The following ANGPTL7 variants were observed in gnomAD, a reference collection of about 807,000 sequenced individuals.
ANGPTL7 encodes angiopoietin like 7.
In ANGPTL7, 37 loss-of-function variants were observed where a neutral mutation model predicts 38.8. The observed-to-expected ratio is 0.95, with a 90% CI of 0.73 to 1.25. The LOEUF is 1.25. Ranked by LOEUF, ANGPTL7 falls within the 50% of genes most tolerant of loss-of-function variation. The pLI, the probability that ANGPTL7 is intolerant of heterozygous loss-of-function variation, is 0.00. For synonymous variants in ANGPTL7, 166 were observed against 163.2 expected, an observed-to-expected ratio of 1.02 and a Z score of -0.13; for missense variants, 427 against 438.6, an observed-to-expected ratio of 0.97 and a Z score of 0.24.
chr1:11,190,893 G>A (rs563802966), intron 1 of ANGPTL7, among the ~76,000 whole-genome samples: 1 of 152,186 alleles, frequency 6.6e-6, no homozygotes, highest in African/African-American at 2.4e-5. Context: ...GTTAACCTCA[G>A]CTCAAATTAA....
At position 11,195,540 on chromosome 1, in the gene ANGPTL7, C is replaced by A. The variant is rs1412410729; in HGVS notation, c.*517C>A. Reference sequence around the variant, plus strand: ...CCAGTGAAATTATCTTGAGTCTACACATTATTTTTAAAACACAAAAATTGT... The same window carrying A: ...CCAGTGAAATTATCTTGAGTCTACAAATTATTTTTAAAACACAAAAATTGT... On this transcript the variant is annotated 3_prime_UTR_variant, in exon 5 of 5. Coordinates refer to ENST00000376819, the MANE Select transcript of ANGPTL7 (RefSeq NM_021146.4). 1 of 155,026 alleles carries A rather than the reference C, an allele frequency of 6.5e-6. No individual in the cohort carries two copies. The highest frequency in any genetic ancestry group is 2.4e-5 in the African/African-American group (1 of 41,412). 9.6% of individuals were successfully genotyped at this position (155,026 alleles called of 1,614,324 possible).
At chr1:11,193,824 G>C (rs1182050093) in intron 3 of ANGPTL7, 50 bp downstream of exon 3, 3 of 1,580,096 alleles carry the variant, frequency 1.9e-6, no homozygotes, top group Non-Finnish European at 2.6e-6. Context: ...CACCACACAT[G>C]ACCGCGTACA....
In ANGPTL7 at chr1:11,195,265, G is replaced by C. The variant is rs976276081; in HGVS notation, c.*242G>C. On this transcript the variant is annotated 3_prime_UTR_variant, in exon 5 of 5. Coordinates refer to ENST00000376819, the MANE Select transcript of ANGPTL7 (RefSeq NM_021146.4). The stretch of plus-strand genomic sequence containing the variant: ...CACATCCTTCTCAAGGTGGTAGACT[G>C]AGTGGGGTCTCTCTGCCCAAGATCC... The C allele has an allele frequency of 9.1e-6, 4 of 438,434 alleles. No individual in the cohort carries two copies. The highest frequency in any genetic ancestry group is 1.6e-5 in the Non-Finnish European group (4 of 248,098). 27.2% of individuals were successfully genotyped at this position (438,434 alleles called of 1,614,324 possible). A position where few individuals can be genotyped will look rare whatever the true frequency, so the allele number is the denominator to read the frequency against.
intron 3 of ANGPTL7, 113 bp downstream of exon 3, chr1:11,193,887 G>A: frequency 8.9e-7 from 1 of 1,123,690 alleles, no homozygotes; most frequent in Non-Finnish European, 1.3e-6. Context: ...TATATTCATT[G>A]TGATGGTTTT....
chr1:11,194,430 A>G (rs1408643138), intron 3 of ANGPTL7, 31 bp from the exon 4 acceptor site: 3 of 1,609,114 alleles, frequency 1.9e-6, no homozygotes, highest in African/African-American at 2.7e-5. Flanking sequence ...AGCCTGCTGC[A>G]CTTTCTTTAA....
chr1:11,193,347 C>T (rs1645625700), intron 2 of ANGPTL7, among the ~76,000 whole-genome samples: 2 of 151,964 alleles, frequency 1.3e-5, no homozygotes, highest in African/African-American at 4.8e-5. Context: ...TCCCTCCAAG[C>T]TTCATGTGCA....
At chr1:11,194,337 G>A in intron 3 of ANGPTL7, 124 bp from the exon 4 acceptor site, 1 of 900,810 alleles carries the variant, frequency 1.1e-6, no homozygotes, top group Middle Eastern at 3.5e-4. Context: ...AAGTAATAAA[G>A]TCTTATTAGA....
intron 3 of ANGPTL7, among the ~76,000 whole-genome samples, chr1:11,194,122 T>C (rs1351455598): frequency 6.6e-6 from 1 of 152,170 alleles, no homozygotes; most frequent in Non-Finnish European, 1.5e-5. Context: ...GGACCCTTGC[T>C]GAAGGTCTGA....
rs1274156043 is a variant in ANGPTL7 at position 11,195,822 on chromosome 1, T to C, written c.*799T>C. 6.6e-6 allele frequency: 1 copy of C among 152,436 alleles called. No homozygotes were observed. Among genetic ancestry groups the C allele is most frequent in the East Asian group, 1.9e-4 (1 of 5,206 alleles). 9.4% of individuals were successfully genotyped at this position (152,436 alleles called of 1,614,324 possible). On this transcript the variant is annotated 3_prime_UTR_variant, in exon 5 of 5. Coordinates refer to ENST00000376819, the MANE Select transcript of ANGPTL7 (RefSeq NM_021146.4). ...AGCTCAAGGAGCTTCCTTTTAAATT[T>C]TGTCTGTAGGAAATGGTTGAAAACT...
rs1361421933 is a variant in ANGPTL7, at chr1:11,195,230, T to C, written c.*207T>C. The C allele has an allele frequency of 1.7e-6, 1 of 580,588 alleles. No individual in the cohort carries two copies. Among genetic ancestry groups the C allele is most frequent in the Non-Finnish European group, 3.0e-6 (1 of 338,782 alleles). The allele number at this position is 580,588 out of a possible 1,614,324, so 36.0% of individuals were successfully genotyped here. A position where few individuals can be genotyped will look rare whatever the true frequency, so the allele number is the denominator to read the frequency against. On this transcript the variant is annotated 3_prime_UTR_variant, in exon 5 of 5. Coordinates refer to ENST00000376819, the MANE Select transcript of ANGPTL7 (RefSeq NM_021146.4). ...AACAGGATGAACTATTTAAACCCAC[T>C]GGGTCCTGCCACATCCTTCTCAAGG...
At position 11,189,888 on chromosome 1, in the gene ANGPTL7, C is replaced by T. The variant is rs775857380; in HGVS notation, c.309C>T (p.Ser103=). ...SRLTDAESKY[S]EMNNQIDIMQ... is the part of the protein sequence containing the mutation. The stretch of plus-strand genomic sequence containing the variant: ...TCACAGATGCTGAGAGCAAGTACTC[C>T]GAGATGAACAACCAAATTGACATCA... Residue 103 remains serine, a synonymous_variant, in exon 1 of 5, where the codon TCC becomes TCT. Coordinates refer to ENST00000376819, the MANE Select transcript of ANGPTL7 (RefSeq NM_021146.4). The T allele has an allele frequency of 5.6e-5, 91 of 1,614,082 alleles. 1 individual carries two copies. The South Asian group carries it at 6.9e-4, about 12-fold the overall frequency.
chr1:11,194,401 TAG>T, intron 3 of ANGPTL7, 58 bp from the exon 4 acceptor site: 1 of 1,527,686 alleles, frequency 6.5e-7, no homozygotes, highest in Non-Finnish European at 9.1e-7. Flanking sequence ...AGAAGGGGTA[TAG>T]AGACAGCATG....
rs140367029 is a variant in ANGPTL7, at chr1:11,193,066, T to C, written c.478-514T>C. Among the ~76,000 whole-genome samples, 4 of 152,116 alleles carry C rather than the reference T, an allele frequency of 2.6e-5. No individual in the cohort carries two copies. In the East Asian group the frequency reaches 7.8e-4, roughly 29 times the overall value. ...GGTGGCTCACACCTGTAATCCCAAG[T>C]TTTTTGGGAGGTGAGGTGGGCGGAA... On this transcript the variant is annotated intron_variant, in intron 2 of 4. Transcript: ENST00000376819.
rs372995398 is a variant in ANGPTL7, at chr1:11,195,240, C to T, written c.*217C>T. The T allele has an allele frequency of 6.3e-5, 34 of 542,188 alleles. No individual in the cohort carries two copies. Among genetic ancestry groups the T allele is most frequent in the East Asian group, 2.8e-4 (9 of 32,170 alleles). 33.6% of individuals were successfully genotyped at this position (542,188 alleles called of 1,614,324 possible). ...ACTATTTAAACCCACTGGGTCCTGCCACATCCTTCTCAAGGTGGTAGACTG... is the reference window on the plus strand; with the variant it reads ...ACTATTTAAACCCACTGGGTCCTGCTACATCCTTCTCAAGGTGGTAGACTG... On this transcript the variant is annotated 3_prime_UTR_variant, in exon 5 of 5. Transcript: ENST00000376819.
In ANGPTL7 at chr1:11,195,103, G is replaced by T; in HGVS notation, c.*80G>T. The T allele has an allele frequency of 6.9e-7, 1 of 1,448,854 alleles. No homozygotes were observed. Among genetic ancestry groups the T allele is most frequent in the South Asian group, 1.3e-5 (1 of 79,180 alleles). 89.7% of individuals were successfully genotyped at this position (1,448,854 alleles called of 1,614,324 possible). ...GAGGGCAGATGAGGACAGGAAGAGA[G>T]TGTTAGAAAGGGTAGGACTGAGAAA... On this transcript the variant is annotated 3_prime_UTR_variant, in exon 5 of 5. Coordinates refer to ENST00000376819, the MANE Select transcript of ANGPTL7 (RefSeq NM_021146.4).
chr1:11,190,031 C>T lies in ANGPTL7; in HGVS notation c.376+76C>T. 6.6e-6 allele frequency: 10 copies of T among 1,511,566 alleles called. No individual in the cohort carries two copies. The South Asian group carries it at 1.3e-4, about 20-fold the overall frequency. 93.6% of individuals were successfully genotyped at this position (1,511,566 alleles called of 1,614,324 possible). A position where few individuals can be genotyped will look rare whatever the true frequency, so the allele number is the denominator to read the frequency against. On this transcript the variant is annotated intron_variant, in intron 1 of 4. Transcript: ENST00000376819. The stretch of plus-strand genomic sequence containing the variant: ...CACTGCTTCTACATATCCTGGTCAT[C>T]AGAACCACTACTGGGGCCTCTTTTG...
rs1156866701 is a variant in ANGPTL7 at position 11,189,404 on chromosome 1, A to G, written c.-176A>G. ...TACCCATTCAGCTCCCCTGTCAGAGACTCAAGCTTTGAGAAAGGCTAGCAA... is the reference window on the plus strand; with the variant it reads ...TACCCATTCAGCTCCCCTGTCAGAGGCTCAAGCTTTGAGAAAGGCTAGCAA... On this transcript the variant is annotated 5_prime_UTR_variant, in exon 1 of 5. Transcript: ENST00000376819. The G allele has an allele frequency of 1.3e-6, 1 of 784,964 alleles. No individual in the cohort carries two copies. The highest frequency in any genetic ancestry group is 2.0e-6 in the Non-Finnish European group (1 of 492,112). 48.6% of individuals were successfully genotyped at this position (784,964 alleles called of 1,614,324 possible). A position where few individuals can be genotyped will look rare whatever the true frequency, so the allele number is the denominator to read the frequency against.
rs1386845050 is a variant in ANGPTL7, at chr1:11,195,345, T to C, written c.*322T>C. The stretch of plus-strand genomic sequence containing the variant: ...ATGATTTGTCTGTGAAAGAAAATAA[T>C]TTTGAGATCGTTTTATCTATTTTCT... On this transcript the variant is annotated 3_prime_UTR_variant, in exon 5 of 5. Coordinates refer to ENST00000376819, the MANE Select transcript of ANGPTL7 (RefSeq NM_021146.4). 4.0e-6 allele frequency: 1 copy of C among 247,388 alleles called. No homozygotes were observed. The highest frequency in any genetic ancestry group is 2.2e-5 in the African/African-American group (1 of 44,584). 15.3% of individuals were successfully genotyped at this position (247,388 alleles called of 1,614,324 possible).
intron 1 of ANGPTL7, among the ~76,000 whole-genome samples, chr1:11,191,275 T>C (rs191735593): frequency 6.3e-4 from 96 of 152,300 alleles, no homozygotes; most frequent in Non-Finnish European, 1.0e-3. Flanking sequence ...TTATATTCTA[T>C]AAGTAGGTAG....
Sources: gnomAD v4.1 joint callset for allele counts (sites outside exome capture counted in the v4.1 genomes callset) on GRCh38, gnomAD v4.1.1 for gene constraint, MANE v1.5 for transcripts, NCBI Gene and HGNC (gene_info 2026-07-23, HGNC 2026-07-21) for gene names.